YLPM1: variants seen among roughly 807,000 people sequenced by gnomAD.
YLPM1 encodes YLP motif-containing protein 1.
Under a neutral mutation model 230.0 loss-of-function variants are expected in YLPM1, and 99 were observed. The ratio of observed to expected loss-of-function variants is 0.43; its 90% CI spans 0.37 to 0.51. The LOEUF is 0.51. YLPM1 is among the 20% of genes least tolerant of loss of function. YLPM1 has a pLI of 0.00. For synonymous variants in YLPM1, 984 were observed against 942.5 expected (o/e 1.04, Z -0.81); for missense variants, 2,592 against 2,707.7 (o/e 0.96, Z 0.95).
intron 6 of YLPM1, among the ~76,000 whole-genome samples, chr14:74,805,023 CTT>C (rs369306225): frequency 1.2e-4 from 17 of 139,002 alleles, no homozygotes; most frequent in Admixed American, 1.4e-4. Context: ...TTCTTTTTTC[CTT>C]TTTTTTTTTT....
intron 8 of YLPM1, 27 bp from the exon 9 acceptor site, chr14:74,810,198 G>C (rs371376832): frequency 6.2e-7 from 1 of 1,604,140 alleles, no homozygotes; most frequent in Non-Finnish European, 8.5e-7. Flanking sequence ...AAGGGATATA[G>C]TTATTTTGTA....
At chr14:74,804,411 ACCATTGCTTGCTACT>A (rs61526249) in intron 6 of YLPM1, among the ~76,000 whole-genome samples, 20,650 of 152,170 alleles carry the variant, frequency 0.14, 1,574 homozygotes, top group South Asian at 0.3. Flanking sequence ...ACCTCTGCTG[ACCATTGCTTGCTACT>A]CCACTCTCTG....
At chr14:74,821,192 A>G in intron 17 of YLPM1, 55 bp downstream of exon 17, 1 of 1,503,668 alleles carries the variant, frequency 6.7e-7, no homozygotes, top group Non-Finnish European at 8.9e-7. Context: ...ATTCTTAAAG[A>G]AGGTTTAAAT....
Position 74,778,480 on chromosome 14 carries a change from C to T in YLPM1, c.907C>T (p.Leu303Phe). 6.2e-7 allele frequency: 1 copy of T among 1,607,302 alleles called. No individual in the cohort carries two copies. Among genetic ancestry groups the T allele is most frequent in the Non-Finnish European group, 8.5e-7 (1 of 1,176,840 alleles). ...QQQYWYRQHL[L>F]SLQQRTKVHL... ...GCAGTATTGGTATCGACAGCACTTG[C>T]TTAGTTTGCAACAGAGGACAAAAGT... The change falls in exon 2 of 21, where the codon CTT (leucine) becomes TTT (phenylalanine). Residue 303 changes from leucine (L) to phenylalanine (F), a missense_variant. By Grantham distance (22) the Leu-to-Phe change is conservative (BLOSUM62 0). Around this residue, in one of 4 missense-constraint regions of YLPM1, gnomAD observed 1,862 missense variants for 1,819.8 expected, o/e 1.02. Transcript: ENST00000325680.
chr14:74,826,810 T>C (rs1042103653), intron 18 of YLPM1, among the ~76,000 whole-genome samples: 1 of 152,324 alleles, frequency 6.6e-6, no homozygotes, highest in African/African-American at 2.4e-5. Context: ...CAAGGGCAGG[T>C]TGTTACTTGC....
intron 4 of YLPM1, among the ~76,000 whole-genome samples, chr14:74,786,848 A>T (rs1215443341): frequency 6.6e-6 from 1 of 152,202 alleles, no homozygotes; most frequent in African/African-American, 2.4e-5. Context: ...TAGAGTATAT[A>T]CATGTTCTGC....
At chr14:74,825,214 T>C (rs1041492876) in intron 18 of YLPM1, among the ~76,000 whole-genome samples, 4 of 152,170 alleles carry the variant, frequency 2.6e-5, no homozygotes, top group Non-Finnish European at 5.9e-5. Flanking sequence ...GCTTCATTGC[T>C]TGGGACATGT....
chr14:74,778,408 A>G, intron 1 of YLPM1, 39 bp from the exon 2 acceptor site: 1 of 1,537,576 alleles, frequency 6.5e-7, no homozygotes. Context: ...GAGATACATG[A>G]TTGTCAATCA....
intron 4 of YLPM1, among the ~76,000 whole-genome samples, chr14:74,784,838 A>T (rs1306593202): frequency 6.6e-6 from 1 of 152,096 alleles, no homozygotes; most frequent in Non-Finnish European, 1.5e-5. Flanking sequence ...CACAACTCAG[A>T]TTCTTTTCAT....
intron 6 of YLPM1, among the ~76,000 whole-genome samples, chr14:74,808,785 C>T (rs555969628): frequency 3.3e-4 from 44 of 135,000 alleles, no homozygotes; most frequent in African/African-American, 1.2e-3. Flanking sequence ...GCCTGAGCAA[C>T]AAGAGTGAAA....
chr14:74,791,659 G>A (rs751542777), intron 4 of YLPM1, among the ~76,000 whole-genome samples: 2 of 152,212 alleles, frequency 1.3e-5, no homozygotes, highest in Non-Finnish European at 2.9e-5. Flanking sequence ...ACTTTGGTTA[G>A]CAAGACAAAC....
chr14:74,795,150 G>T (rs987578368), intron 4 of YLPM1, among the ~76,000 whole-genome samples: 9 of 152,184 alleles, frequency 5.9e-5, no homozygotes, highest in Non-Finnish European at 8.8e-5. Flanking sequence ...CCTGTATTGT[G>T]CAATAGTCAC....
chr14:74,763,387 T>C lies in YLPM1; in HGVS notation c.-103T>C, dbSNP rs935210784. The C allele has an allele frequency of 5.2e-6, 7 of 1,351,768 alleles. No individual in the cohort carries two copies. Among genetic ancestry groups the C allele is most frequent in the Admixed American group, 3.2e-5 (1 of 30,888 alleles). The allele number at this position is 1,351,768 out of a possible 1,614,324, so 83.7% of individuals were successfully genotyped here. On this transcript the variant is annotated 5_prime_UTR_variant, in exon 1 of 21. Coordinates refer to ENST00000325680, the MANE Select transcript of YLPM1 (RefSeq NM_019589.3). ...CTCCGTTTACACGCTCCGGGGCCTG[T>C]AGGCGCCGCGAGTTCCGGCTGTCGC...
rs959338252 is a variant in YLPM1 at position 74,821,043 on chromosome 14, A to G, written c.6031-14A>G. Reference sequence around the variant, plus strand: ...TAACTCAGTCTTTTTTTTTTTTTTTAATGGTTGGTATAGGTAGAGATGGAA... The same window carrying G: ...TAACTCAGTCTTTTTTTTTTTTTTTGATGGTTGGTATAGGTAGAGATGGAA... On this transcript the variant is annotated splice_polypyrimidine_tract_variant and intron_variant, in intron 16 of 20. Coordinates refer to ENST00000325680, the MANE Select transcript of YLPM1 (RefSeq NM_019589.3). 7 of 1,402,152 alleles carry G rather than the reference A, an allele frequency of 5.0e-6. No individual in the cohort carries two copies. In the African/African-American group the frequency reaches 9.1e-5, roughly 18 times the overall value. 86.9% of individuals were successfully genotyped at this position (1,402,152 alleles called of 1,614,324 possible).
intron 6 of YLPM1, among the ~76,000 whole-genome samples, chr14:74,808,406 G>A (rs913027544): frequency 6.6e-6 from 1 of 152,146 alleles, no homozygotes; most frequent in Non-Finnish European, 1.5e-5. Flanking sequence ...TAGGGTTGTT[G>A]AATAGTACGG....
intron 4 of YLPM1, among the ~76,000 whole-genome samples, chr14:74,791,195 G>A (rs1326538783): frequency 1.3e-5 from 2 of 152,166 alleles, no homozygotes; most frequent in African/African-American, 2.4e-5. Flanking sequence ...TGGAACCCAG[G>A]AAGTCTAGGC....
chr14:74,831,501 A>G (rs1056329583), intron 19 of YLPM1, among the ~76,000 whole-genome samples: 1 of 152,176 alleles, frequency 6.6e-6, no homozygotes, highest in Non-Finnish European at 1.5e-5. Context: ...CTAAAATGAG[A>G]AATATTTTCT....
At chr14:74,772,003 C>T (rs1012697497) in intron 1 of YLPM1, among the ~76,000 whole-genome samples, 1 of 152,154 alleles carries the variant, frequency 6.6e-6, no homozygotes, top group Non-Finnish European at 1.5e-5. Context: ...TCCCTGCCCC[C>T]TGCTTTAGAA....
At chr14:74,813,635 A>C in intron 11 of YLPM1, among the ~76,000 whole-genome samples, 1 of 152,084 alleles carries the variant, frequency 6.6e-6, no homozygotes, top group East Asian at 1.9e-4. Flanking sequence ...TTCAGGATAC[A>C]TGTGCAGGTT....
Sources: allele counts gnomAD v4.1 joint callset (sites outside exome capture counted in the v4.1 genomes callset), GRCh38; gene constraint gnomAD v4.1.1; regional missense constraint gnomAD v4.1.1; transcripts MANE v1.5; gene names NCBI Gene and HGNC (gene_info 2026-07-23, HGNC 2026-07-21).